Variants in PROP1 observed in about 807,000 individuals in gnomAD.
PROP1 encodes the protein PROP paired-like homeobox 1.
A neutral mutation model predicts 22.3 loss-of-function variants in PROP1; 12 were observed. The observed-to-expected ratio is 0.54, with a 90% CI of 0.34 to 0.87. The LOEUF (loss-of-function observed/expected upper bound fraction) is 0.87. Ranked by LOEUF, PROP1 falls within the 40% of genes least tolerant of loss-of-function variation. The pLI is 0.01. For synonymous variants in PROP1, 112 were observed against 116.7 expected (o/e 0.96, Z 0.26); for missense variants, 278 against 295.1 (o/e 0.94, Z 0.43).
chr5:177,994,832 G>T lies in PROP1; in HGVS notation c.110-494C>A, dbSNP rs566900586. Among the ~76,000 whole-genome samples the T allele has an allele frequency of 8.5e-5, 13 of 152,120 alleles. No individual in the cohort carries two copies. The East Asian group carries it at 2.5e-3, about 30-fold the overall frequency. On this transcript the variant is annotated intron_variant, in intron 1 of 2. Coordinates refer to ENST00000308304, the MANE Select transcript of PROP1 (RefSeq NM_006261.5). Reference sequence around the variant, plus strand: ...GTTGCCTCTGAGTCTCTGACACCAGGCTGTGCTGTCTACACAGGGCACACC... The same window carrying T: ...GTTGCCTCTGAGTCTCTGACACCAGTCTGTGCTGTCTACACAGGGCACACC...
chr5:177,993,057 G>C lies in PROP1; in HGVS notation c.343-10C>G, dbSNP rs1214256480. The C allele has an allele frequency of 1.9e-6, 3 of 1,609,786 alleles. No individual in the cohort carries two copies. The highest frequency in any genetic ancestry group is 2.5e-6 in the Non-Finnish European group (3 of 1,177,866). On this transcript the variant is annotated splice_polypyrimidine_tract_variant and intron_variant, in intron 2 of 2. Coordinates refer to ENST00000308304, the MANE Select transcript of PROP1 (RefSeq NM_006261.5). ...GGTTCTGGAACCAGACCTGAGAAGG[G>C]GTAGGAACCACATCAGAGCCCACAC...
rs778865221 is a variant in PROP1 at position 177,992,671 on chromosome 5, C to T, written c.*38G>A. 4.7e-5 allele frequency: 67 copies of T among 1,424,658 alleles called. No individual in the cohort carries two copies. Among genetic ancestry groups the T allele is most frequent in the African/African-American group, 5.6e-5 (4 of 70,956 alleles). The allele number at this position is 1,424,658 out of a possible 1,614,324, so 88.3% of individuals were successfully genotyped here. On this transcript the variant is annotated 3_prime_UTR_variant, in exon 3 of 3. Coordinates refer to ENST00000308304, the MANE Select transcript of PROP1 (RefSeq NM_006261.5). Reference sequence around the variant, plus strand: ...CATTTTCTTGTCTTTTCACGAGGGCCGCAGGCTGGGGATCACCTTGGTGGT... The same window carrying T: ...CATTTTCTTGTCTTTTCACGAGGGCTGCAGGCTGGGGATCACCTTGGTGGT...
intron 1 of PROP1, among the ~76,000 whole-genome samples, 187 bp from the exon 2 acceptor site, chr5:177,994,525 ACCCCTGGGCTCC>A: frequency 6.6e-6 from 1 of 151,722 alleles, no homozygotes; most frequent in Non-Finnish European, 1.5e-5. Flanking sequence ...GCAGCCTCGA[ACCCCTGGGCTCC>A]AGTGATCCTA....
In PROP1 at chr5:177,996,026, C is replaced by T; in HGVS notation, c.-93G>A. 9.2e-7 allele frequency: 1 copy of T among 1,086,946 alleles called. No individual in the cohort carries two copies. Among genetic ancestry groups the T allele is most frequent in the Non-Finnish European group, 1.4e-6 (1 of 720,936 alleles). The allele number at this position is 1,086,946 out of a possible 1,614,324, so 67.3% of individuals were successfully genotyped here. ...TCCACACCTGTTCCCTCCCCTTCTC[C>T]CTCTGTGTATGCCACCCTCTGGGAC... On this transcript the variant is annotated 5_prime_UTR_variant, in exon 1 of 3. Coordinates refer to ENST00000308304, the MANE Select transcript of PROP1 (RefSeq NM_006261.5).
At chr5:177,995,576 A>G (rs1261465215) in intron 1 of PROP1, among the ~76,000 whole-genome samples, 2 of 151,852 alleles carry the variant, frequency 1.3e-5, no homozygotes, top group African/African-American at 4.8e-5. Flanking sequence ...GAGGGGACAG[A>G]GGTAACTGTC....
chr5:177,995,180 C>G (rs1294685403), intron 1 of PROP1, among the ~76,000 whole-genome samples: 1 of 152,092 alleles, frequency 6.6e-6, no homozygotes, highest in Non-Finnish European at 1.5e-5. Flanking sequence ...TCAGACACAC[C>G]CTCCCCTACT....
In PROP1 at chr5:177,992,816, C is replaced by G. The variant is rs1772668577; in HGVS notation, c.574G>C (p.Glu192Gln). Reference protein sequence around the residue: ...GGAFALSHQSEDWYPTLHPAP... With the variant: ...GGAFALSHQSQDWYPTLHPAP... ...GGGTGCAAGGTAGGGTACCAGTCCT[C>G]AGACTGGTGTGACAAAGCAAAGGCG... Residue 192 changes from glutamate to glutamine, a missense_variant, in exon 3 of 3, where the codon GAG (glutamate) becomes CAG (glutamine). Transcript: ENST00000308304. 3 of 1,609,346 alleles carry G rather than the reference C, an allele frequency of 1.9e-6. No homozygotes were observed. Among genetic ancestry groups the G allele is most frequent in the Admixed American group, 1.7e-5 (1 of 59,820 alleles).
chr5:177,994,355 G>A lies in PROP1; in HGVS notation c.110-17C>T. 6.4e-7 allele frequency: 1 copy of A among 1,567,786 alleles called. No individual in the cohort carries two copies. Among genetic ancestry groups the A allele is most frequent in the African/African-American group, 1.4e-5 (1 of 74,068 alleles). ...CACTCGAGTCTGAGAACGGAGAGAAGGGAGGGGCGGCTTCTGAGGAGGACG... is the reference window on the plus strand; with the variant it reads ...CACTCGAGTCTGAGAACGGAGAGAAAGGAGGGGCGGCTTCTGAGGAGGACG... On this transcript the variant is annotated splice_polypyrimidine_tract_variant and intron_variant, in intron 1 of 2. Coordinates refer to ENST00000308304, the MANE Select transcript of PROP1 (RefSeq NM_006261.5).
rs759781567 is a variant in PROP1, at chr5:177,995,866, G to A, written c.68C>T (p.Pro23Leu). ...KKGRVGSNLL[P>L]ERHPATGTPT... ...GGTCCCAGTGGCCGGGTGTCTCTCAGGCAACAGGTTGCTGCCGACTCGCCC... is the reference window on the plus strand; with the variant it reads ...GGTCCCAGTGGCCGGGTGTCTCTCAAGCAACAGGTTGCTGCCGACTCGCCC... Residue 23 changes from proline to leucine, a missense_variant, in exon 1 of 3, where the codon CCT (proline) becomes CTT (leucine). Transcript: ENST00000308304. 6 of 1,614,020 alleles carry A rather than the reference G, an allele frequency of 3.7e-6. No individual in the cohort carries two copies. The highest frequency in any genetic ancestry group is 1.7e-4 in the Middle Eastern group (1 of 6,060).
rs201541048 is a variant in PROP1 at position 177,994,347 on chromosome 5, G to A, written c.110-9C>T. 8.2e-6 allele frequency: 13 copies of A among 1,576,904 alleles called. No individual in the cohort carries two copies. Among genetic ancestry groups the A allele is most frequent in the Admixed American group, 1.9e-5 (1 of 53,098 alleles). On this transcript the variant is annotated splice_polypyrimidine_tract_variant and intron_variant, in intron 1 of 2. Transcript: ENST00000308304. Reference sequence around the variant, plus strand: ...GGGTGGAGCACTCGAGTCTGAGAACGGAGAGAAGGGAGGGGCGGCTTCTGA... The same window carrying A: ...GGGTGGAGCACTCGAGTCTGAGAACAGAGAGAAGGGAGGGGCGGCTTCTGA...
chr5:177,994,560 C>CTGAGG (rs751983336), intron 1 of PROP1, among the ~76,000 whole-genome samples: 5 of 152,074 alleles, frequency 3.3e-5, no homozygotes, highest in Non-Finnish European at 7.4e-5. Context: ...GCCTTAGCCT[C>CTGAGG]CTGAGTAGCT....
chr5:177,994,216 G>A lies in PROP1; in HGVS notation c.232C>T (p.Pro78Ser), dbSNP rs949519377. The A allele has an allele frequency of 6.2e-7, 1 of 1,614,028 alleles. No individual in the cohort carries two copies. Among genetic ancestry groups the A allele is most frequent in the African/African-American group, 1.3e-5 (1 of 74,914 alleles). ...SRRRHRTTFS[P>S]VQLEQLESAF... ...GACTCCAGCTGTTCCAACTGCACTG[G>A]GCTGAAGGTGGTGCGGTGGCGGCGC... is the stretch of plus-strand genomic sequence containing the variant. The change falls in exon 2 of 3, where the codon CCA becomes TCA. Residue 78 changes from proline (P) to serine (S), a missense_variant. Coordinates refer to ENST00000308304, the MANE Select transcript of PROP1 (RefSeq NM_006261.5).
chr5:177,994,363 C>A (rs371328809), intron 1 of PROP1, 25 bp from the exon 2 acceptor site: 2 of 1,559,088 alleles, frequency 1.3e-6, no homozygotes, highest in East Asian at 2.4e-5. Context: ...AAGGGAGGGG[C>A]GGCTTCTGAG....
intron 1 of PROP1, 132 bp from the exon 2 acceptor site, chr5:177,994,470 C>G: frequency 1.3e-6 from 1 of 765,584 alleles, no homozygotes; most frequent in Middle Eastern, 3.9e-4. Flanking sequence ...CAGAGTCTTG[C>G]TCTGTCTCCC....
At chr5:177,993,845 G>T (rs1177677647) in intron 2 of PROP1, among the ~76,000 whole-genome samples, 1 of 152,114 alleles carries the variant, frequency 6.6e-6, no homozygotes. Flanking sequence ...GGGATTACAG[G>T]TGTGAGCTAT....
intron 2 of PROP1, among the ~76,000 whole-genome samples, 154 bp from the exon 3 acceptor site, chr5:177,993,201 G>A (rs913017263): frequency 6.6e-6 from 1 of 152,146 alleles, no homozygotes; most frequent in African/African-American, 2.4e-5. Context: ...AGCCTGGTCT[G>A]CTGACAAAGG....
At chr5:177,993,225 G>T (rs542791994) in intron 2 of PROP1, among the ~76,000 whole-genome samples, 178 bp from the exon 3 acceptor site, 2 of 152,302 alleles carry the variant, frequency 1.3e-5, no homozygotes, top group South Asian at 2.1e-4. Context: ...CCACAGACTT[G>T]TCCCCAGCCT....
Position 177,994,280 on chromosome 5 carries a change from G to C in PROP1, c.168C>G (p.Phe56Leu). The change falls in exon 2 of 3, where the codon TTC becomes TTG. Residue 56 changes from phenylalanine (F) to leucine (L), a missense_variant. Transcript: ENST00000308304. ...GGCCCCTCTGTCCTCCTTGCGGGGA[G>C]AACCTTGATCTCCCCCCTCCTGCAC... ...LPGAGGGRSRFSPQGGQRGRP... is the reference protein window; with the variant it reads ...LPGAGGGRSRLSPQGGQRGRP... The C allele has an allele frequency of 6.2e-7, 1 of 1,613,370 alleles. No homozygotes were observed. The highest frequency in any genetic ancestry group is 8.5e-7 in the Non-Finnish European group (1 of 1,179,548).
Position 177,992,627 on chromosome 5 carries a change from G to C in PROP1, c.*82C>G. 1 of 936,368 alleles carries C rather than the reference G, an allele frequency of 1.1e-6. No individual in the cohort carries two copies. Among genetic ancestry groups the C allele is most frequent in the Non-Finnish European group, 1.6e-6 (1 of 619,338 alleles). The allele number at this position is 936,368 out of a possible 1,614,324, so 58.0% of individuals were successfully genotyped here. A position where few individuals can be genotyped will look rare whatever the true frequency, so the allele number is the denominator to read the frequency against. Reference sequence around the variant, plus strand: ...TCACCATGCATCTGCTTCACCCATAGATGGAAAGGAAGCCACCCCATTTTC... The same window carrying C: ...TCACCATGCATCTGCTTCACCCATACATGGAAAGGAAGCCACCCCATTTTC... On this transcript the variant is annotated 3_prime_UTR_variant, in exon 3 of 3. Coordinates refer to ENST00000308304, the MANE Select transcript of PROP1 (RefSeq NM_006261.5).
Sources: allele counts gnomAD v4.1 joint callset (sites outside exome capture counted in the v4.1 genomes callset), GRCh38; gene constraint gnomAD v4.1.1; transcripts MANE v1.5; gene names NCBI Gene and HGNC (gene_info 2026-07-23, HGNC 2026-07-21).